NPHP1: variants seen among roughly 807,000 people sequenced by gnomAD.
The protein encoded by NPHP1 is nephrocystin 1.
NPHP1 carries 70 observed loss-of-function variants against 90.4 expected under a neutral mutation model. That is an observed-to-expected ratio of 0.77 (90% CI 0.64 to 0.95). NPHP1 has a LOEUF of 0.95. Among genes scored for constraint, NPHP1 ranks in the 40% least tolerant of loss-of-function variants. The pLI is 0.00. For synonymous variants in NPHP1, 256 were observed against 271.7 expected (o/e 0.94, Z 0.57); for missense variants, 764 against 795.9 (o/e 0.96, Z 0.48).
rs1371997875 is a variant in NPHP1, at chr2:110,146,070, G to A, written c.1352+683C>T. Among the ~76,000 whole-genome samples the A allele has an allele frequency of 2.6e-5, 4 of 152,310 alleles. 1 individual carries two copies. The highest frequency in any genetic ancestry group is 1.9e-4 in the East Asian group (1 of 5,186). ...AAATCCACCTACAGTTACATGGGTAGAGCTGGGACTGGAGCCCAAAATTTT... is the reference window on the plus strand; with the variant it reads ...AAATCCACCTACAGTTACATGGGTAAAGCTGGGACTGGAGCCCAAAATTTT... On this transcript the variant is annotated intron_variant, in intron 14 of 19. Transcript: ENST00000445609.
chr2:110,144,628 A>T, intron 14 of NPHP1, 59 bp from the exon 15 acceptor site: 1 of 969,452 alleles, frequency 1.0e-6, no homozygotes, highest in East Asian at 2.4e-5. Context: ...AAAACACTGG[A>T]GTCAGTAGTT....
At chr2:110,203,854 G>C (rs956867178) in intron 1 of NPHP1, among the ~76,000 whole-genome samples, 1 of 149,744 alleles carries the variant, frequency 6.7e-6, no homozygotes. Context: ...GGCTAGTCTC[G>C]AACTCCTGGG....
rs752639812 is a variant in NPHP1, at chr2:110,185,019, T to C, written c.144-5335A>G. Reference sequence around the variant, plus strand: ...TTCAAAGGTTTTGGTGACAGGCTACTGAGTGAAGTGAAGATCAGGATATTT... The same window carrying C: ...TTCAAAGGTTTTGGTGACAGGCTACCGAGTGAAGTGAAGATCAGGATATTT... On this transcript the variant is annotated intron_variant, in intron 2 of 19. Coordinates refer to ENST00000445609, the MANE Select transcript of NPHP1 (RefSeq NM_001128178.3). 89 of 608,054 alleles carry C rather than the reference T, an allele frequency of 1.5e-4. No homozygotes were observed. The Middle Eastern group carries it at 1.6e-3, about 11-fold the overall frequency. 37.7% of individuals were successfully genotyped at this position (608,054 alleles called of 1,614,324 possible).
At chr2:110,184,328 A>G (rs1200666989) in intron 2 of NPHP1, 3 of 611,770 alleles carry the variant, frequency 4.9e-6, no homozygotes, top group African/African-American at 3.6e-5. Context: ...ACATCTGGCA[A>G]TATGTCTATT....
At chr2:110,135,846 A>G (rs1242460009) in intron 16 of NPHP1, among the ~76,000 whole-genome samples, 1 of 152,180 alleles carries the variant, frequency 6.6e-6, no homozygotes, top group Non-Finnish European at 1.5e-5. Context: ...AAATTATCAC[A>G]GAGGTAATAT....
chr2:110,181,980 A>G (rs1027846196), intron 2 of NPHP1, among the ~76,000 whole-genome samples: 6 of 152,350 alleles, frequency 3.9e-5, no homozygotes, highest in Admixed American at 3.3e-4. Flanking sequence ...CAAGAACTTT[A>G]TAATGCAATC....
intron 10 of NPHP1, among the ~76,000 whole-genome samples, chr2:110,160,526 G>A (rs1042663431): frequency 2.6e-5 from 4 of 152,164 alleles, no homozygotes; most frequent in African/African-American, 9.7e-5. Flanking sequence ...CAGGCAAAAT[G>A]TATATGATCT....
At chr2:110,149,174 C>T (rs1681280109) in intron 12 of NPHP1, among the ~76,000 whole-genome samples, 1 of 152,082 alleles carries the variant, frequency 6.6e-6, no homozygotes, top group Non-Finnish European at 1.5e-5. Context: ...ATGTATTTTC[C>T]CCTACTAATT....
chr2:110,165,181 G>T lies in NPHP1; in HGVS notation c.625-26C>A, dbSNP rs746317602. On this transcript the variant is annotated intron_variant, in intron 6 of 19. Coordinates refer to ENST00000445609, the MANE Select transcript of NPHP1 (RefSeq NM_001128178.3). ...CTAAAAAACCATTGAAATGTGAAGT[G>T]CTTTTTAACTAATGCAAAAAACAAC... The T allele has an allele frequency of 3.9e-6, 6 of 1,555,896 alleles. No homozygotes were observed. In the African/African-American group the frequency reaches 8.2e-5, roughly 21 times the overall value.
At chr2:110,135,278 C>T (rs1680086623) in intron 16 of NPHP1, among the ~76,000 whole-genome samples, 1 of 151,614 alleles carries the variant, frequency 6.6e-6, no homozygotes, top group African/African-American at 2.4e-5. Flanking sequence ...GTGAGTTCTT[C>T]CATCTTGGCT....
At chr2:110,143,826 C>T (rs1374216140) in intron 15 of NPHP1, 185 bp from the exon 16 acceptor site, 1 of 589,080 alleles carries the variant, frequency 1.7e-6, no homozygotes, top group African/African-American at 1.9e-5. Flanking sequence ...TTTGCTAAAT[C>T]ACATGAGTTA....
intron 4 of NPHP1, among the ~76,000 whole-genome samples, chr2:110,173,647 T>C (rs1344240896): frequency 1.3e-5 from 2 of 152,206 alleles, no homozygotes; most frequent in Non-Finnish European, 1.5e-5. Flanking sequence ...GTTTGTAGCC[T>C]AGGAGCAACA....
At chr2:110,137,448 A>C (rs1343621441) in intron 16 of NPHP1, among the ~76,000 whole-genome samples, 1 of 152,154 alleles carries the variant, frequency 6.6e-6, no homozygotes, top group Admixed American at 6.5e-5. Context: ...TAATATACAG[A>C]ATCTACAGTG....
chr2:110,134,307 A>G (rs7601550), intron 16 of NPHP1, among the ~76,000 whole-genome samples: 6,519 of 152,130 alleles, frequency 0.043, 459 homozygotes, highest in African/African-American at 0.15. Context: ...AAGAAATAGA[A>G]AATCTCAATA....
At chr2:110,139,144 A>C (rs1437227349) in intron 16 of NPHP1, among the ~76,000 whole-genome samples, 1 of 151,978 alleles carries the variant, frequency 6.6e-6, no homozygotes. Flanking sequence ...ATATAATGAA[A>C]GTAAAGGAGA....
intron 4 of NPHP1, among the ~76,000 whole-genome samples, chr2:110,173,049 C>T (rs1326010224): frequency 6.6e-6 from 1 of 150,802 alleles, no homozygotes; most frequent in Admixed American, 6.6e-5. Context: ...ATCTCCACCT[C>T]CCGGGTTCAA....
At chr2:110,170,051 C>G (rs1223873314) in intron 4 of NPHP1, 53 bp from the exon 5 acceptor site, 2 of 1,608,546 alleles carry the variant, frequency 1.2e-6, no homozygotes, top group South Asian at 2.2e-5. Flanking sequence ...CAAGAACAGA[C>G]CAGCTATGAG....
intron 2 of NPHP1, among the ~76,000 whole-genome samples, chr2:110,181,125 T>A (rs1390749872): frequency 6.6e-6 from 1 of 152,168 alleles, no homozygotes; most frequent in Admixed American, 6.5e-5. Context: ...CAAAGCAGTC[T>A]GGAATCTTTC....
chr2:110,184,619 G>A, intron 2 of NPHP1: 1 of 1,003,414 alleles, frequency 1.0e-6, no homozygotes, highest in South Asian at 1.3e-5. Flanking sequence ...TCGCAAGCTG[G>A]AACATCTCTC....
Sources: allele counts gnomAD v4.1 joint callset (sites outside exome capture counted in the v4.1 genomes callset), GRCh38; gene constraint gnomAD v4.1.1; transcripts MANE v1.5; gene names NCBI Gene and HGNC (gene_info 2026-07-23, HGNC 2026-07-21).